The following SEH1L variants were observed in gnomAD, a reference collection of about 807,000 sequenced individuals.
SEH1L encodes nucleoporin SEH1.
A neutral mutation model predicts 49.5 loss-of-function variants in SEH1L; 18 were observed. That is an observed-to-expected ratio of 0.36 (90% confidence interval 0.25 to 0.54). The LOEUF is 0.54. Among genes scored for constraint, SEH1L ranks in the 20% least tolerant of loss-of-function variants. The pLI is 0.87. For synonymous variants in SEH1L, 169 were observed against 178.1 expected (o/e 0.95, Z 0.41); for missense variants, 404 against 528.8 (o/e 0.76, Z 2.31).
At chr18:12,981,257 C>T (rs911880105) in intron 6 of SEH1L, among the ~76,000 whole-genome samples, 19 of 149,342 alleles carry the variant, frequency 1.3e-4, no homozygotes, top group Admixed American at 1.0e-3. Flanking sequence ...ACATCCCAGA[C>T]GATGGGTGGC....
chr18:12,972,338 T>A (rs2031739225), intron 5 of SEH1L: 1 of 152,194 alleles, frequency 6.6e-6, no homozygotes, highest in African/African-American at 2.4e-5. Flanking sequence ...TGTGTGTAAT[T>A]TCTTGAGATA....
intron 5 of SEH1L, chr18:12,973,018 C>T (rs1331029684): frequency 1.3e-5 from 2 of 152,102 alleles, no homozygotes; most frequent in East Asian, 3.9e-4. Context: ...CCAGCCTGGA[C>T]AACATGGTGA....
intron 5 of SEH1L, chr18:12,974,348 T>G (rs1232897626): frequency 6.6e-6 from 1 of 152,156 alleles, no homozygotes; most frequent in Non-Finnish European, 1.5e-5. Context: ...GGCGCAACCT[T>G]GGCTCGCTTC....
chr18:12,957,897 T>C (rs571910014), intron 3 of SEH1L, among the ~76,000 whole-genome samples: 1 of 151,976 alleles, frequency 6.6e-6, no homozygotes, highest in African/African-American at 2.4e-5. Flanking sequence ...TTTGTAGAGA[T>C]GGGGTTTCAC....
intron 2 of SEH1L, among the ~76,000 whole-genome samples, chr18:12,954,263 T>G (rs2030720891): frequency 6.6e-6 from 1 of 152,220 alleles, no homozygotes; most frequent in African/African-American, 2.4e-5. Context: ...CAAATTCTTT[T>G]GATGGTGAAA....
intron 3 of SEH1L, among the ~76,000 whole-genome samples, chr18:12,962,774 A>G (rs1336574488): frequency 6.6e-6 from 1 of 151,582 alleles, no homozygotes; most frequent in Non-Finnish European, 1.5e-5. Context: ...CGCCCAACTC[A>G]TTTACAGTTA....
At chr18:12,978,504 C>A in intron 5 of SEH1L, 1 of 374,188 alleles carries the variant, frequency 2.7e-6, no homozygotes, top group East Asian at 4.2e-5. Flanking sequence ...AGGACCCACC[C>A]TAAATCTCGG....
At chr18:12,969,905 A>C (rs1864452217) in intron 4 of SEH1L, among the ~76,000 whole-genome samples, 1 of 152,108 alleles carries the variant, frequency 6.6e-6, no homozygotes, top group Admixed American at 6.6e-5. Context: ...AACAGGAAAA[A>C]AACGCAAAAG....
intron 5 of SEH1L, chr18:12,974,283 CTCT>C (rs1315745766): frequency 6.6e-6 from 1 of 151,964 alleles, no homozygotes; most frequent in African/African-American, 2.4e-5. Flanking sequence ...ATCTTTTTCT[CTCT>C]TTTTTTTTCT....
intron 8 of SEH1L, 54 bp downstream of exon 8, chr18:12,984,244 T>C: frequency 8.4e-6 from 13 of 1,546,648 alleles, no homozygotes; most frequent in Non-Finnish European, 1.2e-5. Context: ...ATCATTCTGG[T>C]AGCCATACTT....
At chr18:12,957,527 G>T (rs2030943876) in intron 3 of SEH1L, among the ~76,000 whole-genome samples, 1 of 152,132 alleles carries the variant, frequency 6.6e-6, no homozygotes, top group Non-Finnish European at 1.5e-5. Context: ...AATATAATCT[G>T]TGTGCTGTTG....
At chr18:12,986,390 T>C in intron 8 of SEH1L, 6 of 985,642 alleles carry the variant, frequency 6.1e-6, no homozygotes, top group Non-Finnish European at 7.2e-6. Flanking sequence ...CATGTTGCAG[T>C]AGCCAGCCAT....
intron 5 of SEH1L, chr18:12,977,727 A>G (rs1481236632): frequency 6.6e-6 from 1 of 152,190 alleles, no homozygotes; most frequent in Non-Finnish European, 1.5e-5. Context: ...AAAAAACCTC[A>G]ATTCCTGTTA....
At chr18:12,982,460 T>C in intron 6 of SEH1L, 58 bp from the exon 7 acceptor site, 1 of 1,246,730 alleles carries the variant, frequency 8.0e-7, no homozygotes, top group Non-Finnish European at 1.1e-6. Context: ...TGTGTGTGTA[T>C]ATATATATGT....
chr18:12,984,536 T>A (rs1419713680), intron 8 of SEH1L, among the ~76,000 whole-genome samples: 3 of 152,228 alleles, frequency 2.0e-5, no homozygotes, highest in African/African-American at 4.8e-5. Context: ...TGTTTTTTAG[T>A]GCTTGTAGTG....
chr18:12,982,370 C>T (rs1423528951), intron 6 of SEH1L, 148 bp from the exon 7 acceptor site: 1 of 518,788 alleles, frequency 1.9e-6, no homozygotes, highest in Non-Finnish European at 3.3e-6. Flanking sequence ...GGGGTTTGGG[C>T]AGATGTGCAC....
intron 3 of SEH1L, among the ~76,000 whole-genome samples, chr18:12,958,616 A>G (rs1167040775): frequency 2.0e-5 from 3 of 152,158 alleles, no homozygotes; most frequent in African/African-American, 7.2e-5. Flanking sequence ...GTCCATTTGC[A>G]ACTGGCTTAT....
chr18:12,951,942 A>C (rs1377341531), intron 2 of SEH1L, 37 bp downstream of exon 2: 18 of 1,118,094 alleles, frequency 1.6e-5, no homozygotes, highest in Non-Finnish European at 2.2e-5. Flanking sequence ...AAAATACAGA[A>C]ATATTTACTG....
intron 4 of SEH1L, among the ~76,000 whole-genome samples, chr18:12,968,387 C>G (rs956053446): frequency 6.6e-6 from 1 of 152,234 alleles, no homozygotes; most frequent in Non-Finnish European, 1.5e-5. Context: ...TCCTTCCTCC[C>G]TGCCCCTTTC....
Sources: gnomAD v4.1 joint callset for allele counts (sites outside exome capture counted in the v4.1 genomes callset) on GRCh38, gnomAD v4.1.1 for gene constraint, MANE v1.5 for transcripts, NCBI Gene and HGNC (gene_info 2026-07-23, HGNC 2026-07-21) for gene names.